PIP5K1B: variants seen among roughly 807,000 people sequenced by gnomAD.
PIP5K1B encodes the protein phosphatidylinositol 4-phosphate 5-kinase type-1 beta.
PIP5K1B carries 42 observed loss-of-function variants against 67.0 expected under a neutral mutation model. The observed-to-expected ratio is 0.63, with a 90% CI of 0.49 to 0.81. The LOEUF is 0.81. PIP5K1B is among the 30% of genes least tolerant of loss of function. The pLI is 0.00. For missense variants in PIP5K1B, 459 were observed against 646.3 expected (o/e 0.71, Z 3.14); for synonymous variants, 214 against 231.4 (o/e 0.92, Z 0.68).
chr9:68,778,549 C>T (rs760771625), intron 2 of PIP5K1B, among the ~76,000 whole-genome samples: 15 of 152,174 alleles, frequency 9.9e-5, no homozygotes, highest in Non-Finnish European at 2.1e-4. Context: ...AACACATATC[C>T]TCAGTCTCTC....
chr9:68,727,975 A>G (rs1828237165), intron 1 of PIP5K1B, among the ~76,000 whole-genome samples: 1 of 152,210 alleles, frequency 6.6e-6, no homozygotes, highest in Admixed American at 6.5e-5. Context: ...AGGTACTAGG[A>G]CTATTCCTTT....
At chr9:69,006,995 C>T (rs140913185) in intron 15 of PIP5K1B, among the ~76,000 whole-genome samples, 2 of 152,252 alleles carry the variant, frequency 1.3e-5, no homozygotes, top group African/African-American at 2.4e-5. Flanking sequence ...ATGTGGGCAA[C>T]GTCCCACTTG....
chr9:68,874,532 G>A (rs1001097942), intron 5 of PIP5K1B, among the ~76,000 whole-genome samples: 2 of 151,996 alleles, frequency 1.3e-5, no homozygotes, highest in Non-Finnish European at 1.5e-5. Flanking sequence ...TGAACCCAAG[G>A]AAAATTATTA....
intron 15 of PIP5K1B, among the ~76,000 whole-genome samples, chr9:69,005,951 C>G (rs1443697698): frequency 6.6e-6 from 1 of 151,944 alleles, no homozygotes; most frequent in Non-Finnish European, 1.5e-5. Context: ...GTGATCATAG[C>G]TCACTATAGC....
At chr9:68,901,643 G>GT (rs1263387340) in intron 8 of PIP5K1B, among the ~76,000 whole-genome samples, 4 of 152,204 alleles carry the variant, frequency 2.6e-5, no homozygotes, top group African/African-American at 9.6e-5. Flanking sequence ...AAAATTATGA[G>GT]TTTTGGCTAT....
chr9:69,001,904 G>A (rs535236007), intron 15 of PIP5K1B, among the ~76,000 whole-genome samples: 53 of 152,318 alleles, frequency 3.5e-4, no homozygotes, highest in African/African-American at 1.3e-3. Flanking sequence ...CTTCTCTTGG[G>A]TCCTTAGGAA....
intron 14 of PIP5K1B, 70 bp downstream of exon 14, chr9:68,940,860 T>A: frequency 7.1e-7 from 1 of 1,399,024 alleles, no homozygotes; most frequent in Middle Eastern, 1.8e-4. Context: ...AACCAGTATC[T>A]CTGAATGAGG....
At chr9:68,880,205 A>G (rs1824111238) in intron 6 of PIP5K1B, among the ~76,000 whole-genome samples, 1 of 152,222 alleles carries the variant, frequency 6.6e-6, no homozygotes, top group South Asian at 2.1e-4. Context: ...AGATAGATAC[A>G]TGAGTGTTAA....
intron 2 of PIP5K1B, among the ~76,000 whole-genome samples, chr9:68,799,309 C>A (rs1421369629): frequency 3.3e-5 from 5 of 152,138 alleles, no homozygotes; most frequent in Non-Finnish European, 7.4e-5. Flanking sequence ...TTAGGGTACA[C>A]AACAGTTGTG....
intron 2 of PIP5K1B, among the ~76,000 whole-genome samples, chr9:68,746,294 G>A (rs1039843323): frequency 1.3e-5 from 2 of 152,024 alleles, no homozygotes; most frequent in African/African-American, 4.8e-5. Flanking sequence ...GGCCAGGCTG[G>A]TCTTGAACTT....
chr9:68,793,925 A>G (rs553398259), intron 2 of PIP5K1B, among the ~76,000 whole-genome samples: 1 of 152,346 alleles, frequency 6.6e-6, no homozygotes, highest in East Asian at 1.9e-4. Flanking sequence ...TAACATTGAA[A>G]GATCAGGAAA....
chr9:68,813,212 G>A (rs1833260736), intron 2 of PIP5K1B, among the ~76,000 whole-genome samples: 1 of 152,234 alleles, frequency 6.6e-6, no homozygotes, highest in Non-Finnish European at 1.5e-5. Context: ...GGACATAGGT[G>A]TCAAGGTAGG....
At chr9:68,969,096 C>G (rs528732792) in intron 14 of PIP5K1B, among the ~76,000 whole-genome samples, 294 of 152,070 alleles carry the variant, frequency 1.9e-3, no homozygotes, top group African/African-American at 7.0e-3. Context: ...AGGCCGGGCG[C>G]GGTGGCTCAT....
intron 14 of PIP5K1B, among the ~76,000 whole-genome samples, chr9:68,960,541 G>A (rs1828663921): frequency 6.6e-6 from 1 of 151,874 alleles, no homozygotes; most frequent in Non-Finnish European, 1.5e-5. Flanking sequence ...GAAGCCGCTA[G>A]ACTAGTCTTC....
chr9:68,734,988 G>A (rs186213852), intron 1 of PIP5K1B, among the ~76,000 whole-genome samples: 6 of 152,164 alleles, frequency 3.9e-5, no homozygotes, highest in Admixed American at 3.3e-4. Context: ...GCCTATTTTT[G>A]TCACTTTTCA....
At chr9:68,923,189 C>G (rs758563508) in intron 11 of PIP5K1B, 113 bp from the exon 12 acceptor site, 39 of 715,050 alleles carry the variant, frequency 5.5e-5, no homozygotes, top group Admixed American at 3.0e-4. Flanking sequence ...TATCTCTGGG[C>G]CACCTTTGGT....
chr9:68,990,788 T>C (rs1564298714), intron 14 of PIP5K1B, among the ~76,000 whole-genome samples: 1 of 151,748 alleles, frequency 6.6e-6, no homozygotes, highest in Non-Finnish European at 1.5e-5. Flanking sequence ...CTCAGCCTCC[T>C]GAGTAGCTGG....
At chr9:68,902,708 A>G (rs1293674891) in intron 8 of PIP5K1B, among the ~76,000 whole-genome samples, 1 of 152,216 alleles carries the variant, frequency 6.6e-6, no homozygotes, top group African/African-American at 2.4e-5. Context: ...GAGTGGTTGC[A>G]CCATTTTACA....
intron 8 of PIP5K1B, among the ~76,000 whole-genome samples, chr9:68,913,200 G>A (rs1825933293): frequency 6.6e-6 from 1 of 152,172 alleles, no homozygotes; most frequent in African/African-American, 2.4e-5. Flanking sequence ...AATCATTCCT[G>A]TTTCCTTTTT....
Sources: gnomAD v4.1 joint callset for allele counts (sites outside exome capture counted in the v4.1 genomes callset) on GRCh38, gnomAD v4.1.1 for gene constraint, MANE v1.5 for transcripts, NCBI Gene and HGNC (gene_info 2026-07-23, HGNC 2026-07-21) for gene names.